The following KALRN variants were observed in gnomAD, a reference collection of about 807,000 sequenced individuals.
KALRN encodes kalirin.
A neutral mutation model predicts 353.7 loss-of-function variants in KALRN; 70 were observed. That is an observed-to-expected ratio of 0.20 (90% confidence interval 0.16 to 0.24). The LOEUF is 0.24. KALRN is among the 10% of genes least tolerant of loss of function. The pLI, the probability that KALRN is intolerant of heterozygous loss-of-function variation, is 1.00. For synonymous variants in KALRN, 1,391 were observed against 1,434.8 expected, an observed-to-expected ratio of 0.97 and a Z score of 0.69; for missense variants, 2,791 against 3,756.7, an observed-to-expected ratio of 0.74 and a Z score of 6.72.
At chr3:124,381,007 A>C (rs1404566967) in intron 10 of KALRN, among the ~76,000 whole-genome samples, 1 of 152,218 alleles carries the variant, frequency 6.6e-6, no homozygotes, top group Admixed American at 6.5e-5. Flanking sequence ...TAAGGGAAAG[A>C]GATGAAAGAC....
chr3:124,436,630 C>T (rs908206234), intron 17 of KALRN, among the ~76,000 whole-genome samples: 1 of 133,192 alleles, frequency 7.5e-6, no homozygotes, highest in African/African-American at 2.9e-5. Flanking sequence ...GAGAAGTCAC[C>T]TCAAGTTTGA....
intron 1 of KALRN, among the ~76,000 whole-genome samples, chr3:124,071,315 T>C (rs2060007893): frequency 6.6e-6 from 1 of 152,112 alleles, no homozygotes; most frequent in South Asian, 2.1e-4. Flanking sequence ...TCCCAACAAC[T>C]CTGAAAGGAA....
At position 124,116,548 on chromosome 3, in the gene KALRN, C is replaced by A. The variant is rs560927804; in HGVS notation, c.73+82735C>A. Among the ~76,000 whole-genome samples the A allele has an allele frequency of 2.8e-4, 43 of 152,256 alleles. 1 individual carries two copies. In the South Asian group the frequency reaches 8.9e-3, roughly 32 times the overall value. On this transcript the variant is annotated intron_variant, in intron 1 of 59. Coordinates refer to ENST00000682506, the MANE Select transcript of KALRN (RefSeq NM_001388419.1). ...CTTTTCTTATCTTAAGTCTTGTATC[C>A]TTTCCTCTCTTCTGTCCAGAAATGA...
chr3:124,724,828 C>T lies in KALRN; in HGVS notation c.*5358C>T, dbSNP rs1388823187. On this transcript the variant is annotated 3_prime_UTR_variant, in exon 60 of 60. Transcript: ENST00000682506. ...AAGCAATCACTCTAAGACAACTTTT[C>T]GTCTTTGAGGGACATTATGATAAGC... 6 of 152,284 alleles carry T rather than the reference C, an allele frequency of 3.9e-5. 1 individual carries two copies. In the South Asian group the frequency reaches 6.2e-4, roughly 16 times the overall value. 9.4% of individuals were successfully genotyped at this position (152,284 alleles called of 1,614,324 possible).
At chr3:124,224,455 G>C (rs1186230075) in intron 1 of KALRN, among the ~76,000 whole-genome samples, 1 of 151,978 alleles carries the variant, frequency 6.6e-6, no homozygotes, top group East Asian at 1.9e-4. Context: ...ATTCAAAGCT[G>C]TCCTGGGCTG....
intron 4 of KALRN, among the ~76,000 whole-genome samples, chr3:124,268,201 T>C (rs1239076897): frequency 6.6e-6 from 1 of 152,034 alleles, no homozygotes; most frequent in Non-Finnish European, 1.5e-5. Context: ...GGGCGCAGAC[T>C]CCCCTGTTGC....
intron 1 of KALRN, among the ~76,000 whole-genome samples, chr3:124,173,048 A>G (rs776475937): frequency 1.3e-5 from 2 of 152,118 alleles, no homozygotes; most frequent in Non-Finnish European, 2.9e-5. Flanking sequence ...AGGTCACACA[A>G]CTAGTTAGTG....
intron 6 of KALRN, among the ~76,000 whole-genome samples, chr3:124,321,808 G>A (rs747376297): frequency 6.6e-6 from 1 of 152,214 alleles, no homozygotes; most frequent in Non-Finnish European, 1.5e-5. Context: ...GTAAGATGGG[G>A]CAGATAATGC....
At chr3:124,396,690 G>A (rs945125782) in intron 12 of KALRN, among the ~76,000 whole-genome samples, 4 of 152,228 alleles carry the variant, frequency 2.6e-5, no homozygotes, top group Admixed American at 6.5e-5. Context: ...CTAGGCCTAC[G>A]GAGATGCCAC....
intron 33 of KALRN, among the ~76,000 whole-genome samples, chr3:124,559,935 T>A (rs2071748650): frequency 6.6e-6 from 1 of 152,258 alleles, no homozygotes; most frequent in African/African-American, 2.4e-5. Flanking sequence ...CCCGGTTGTC[T>A]ACAACGTGTG....
intron 33 of KALRN, chr3:124,518,308 T>G (rs1577673035): frequency 9.0e-7 from 1 of 1,112,144 alleles, no homozygotes; most frequent in East Asian, 2.3e-5. Context: ...GCACTGATGA[T>G]TTAACTCTGT....
chr3:124,491,432 C>T lies in KALRN; in HGVS notation c.4689+8C>T. The T allele has an allele frequency of 6.3e-7, 1 of 1,575,332 alleles. No homozygotes were observed. The highest frequency in any genetic ancestry group is 1.2e-5 in the South Asian group (1 of 85,256). On this transcript the variant is annotated splice_region_variant and intron_variant, in intron 31 of 59. Transcript: ENST00000682506. The stretch of plus-strand genomic sequence containing the variant: ...AATAAAACAGTGCTGAAAGTAAGTA[C>T]TGCTCTCTGCTAGGCACAAACTAGG...
At chr3:124,616,929 C>A (rs1156855129) in intron 34 of KALRN, among the ~76,000 whole-genome samples, 3 of 149,690 alleles carry the variant, frequency 2.0e-5, no homozygotes, top group Non-Finnish European at 3.0e-5. Context: ...TGCACCACTG[C>A]ACTCCAGCCT....
At chr3:124,290,840 C>T (rs1024676330) in intron 5 of KALRN, among the ~76,000 whole-genome samples, 5 of 152,130 alleles carry the variant, frequency 3.3e-5, no homozygotes. Context: ...TAACTGTCAT[C>T]ATCATTGATG....
intron 6 of KALRN, among the ~76,000 whole-genome samples, chr3:124,319,378 G>T (rs1399436727): frequency 2.6e-5 from 4 of 151,158 alleles, no homozygotes; most frequent in African/African-American, 9.7e-5. Context: ...TTATAGTGGG[G>T]AAGAAAGAAA....
At chr3:124,696,802 T>A (rs1329716168) in intron 54 of KALRN, among the ~76,000 whole-genome samples, 1 of 152,254 alleles carries the variant, frequency 6.6e-6, no homozygotes, top group Non-Finnish European at 1.5e-5. Flanking sequence ...AACTTTTTCA[T>A]CTTCCCATCT....
At chr3:124,207,762 A>T (rs1283590561) in intron 1 of KALRN, among the ~76,000 whole-genome samples, 1 of 152,256 alleles carries the variant, frequency 6.6e-6, no homozygotes, top group Non-Finnish European at 1.5e-5. Context: ...AGCAATATAG[A>T]TATGCAAAGC....
rs531548764 is a variant in KALRN at position 124,051,680 on chromosome 3, A to G, written c.73+17867A>G. On this transcript the variant is annotated intron_variant, in intron 1 of 59. Coordinates refer to ENST00000682506, the MANE Select transcript of KALRN (RefSeq NM_001388419.1). ...TGCGGAAAACTTTTGTGTTTTATAC[A>G]CTATACTCAATCCAGGGCCATGGAG... Among the ~76,000 whole-genome samples, 36 of 152,264 alleles carry G rather than the reference A, an allele frequency of 2.4e-4. No homozygotes were observed. In the South Asian group the frequency reaches 6.8e-3, roughly 29 times the overall value.
chr3:124,636,568 C>T (rs958142327), intron 36 of KALRN, among the ~76,000 whole-genome samples: 3 of 152,078 alleles, frequency 2.0e-5, no homozygotes, highest in Admixed American at 6.5e-5. Context: ...AGTTCAGGGG[C>T]CTTACCAGAG....
Sources: gnomAD v4.1 joint callset for allele counts (sites outside exome capture counted in the v4.1 genomes callset) on GRCh38, gnomAD v4.1.1 for gene constraint, MANE v1.5 for transcripts, NCBI Gene and HGNC (gene_info 2026-07-23, HGNC 2026-07-21) for gene names.